GULP1: variants seen among roughly 807,000 people sequenced by gnomAD.
GULP1 encodes PTB domain-containing engulfment adapter protein 1.
A neutral mutation model predicts 40.9 loss-of-function variants in GULP1; 19 were observed. That is an observed-to-expected ratio of 0.46 (90% confidence interval 0.32 to 0.68). GULP1 has a LOEUF of 0.68. Ranked by LOEUF, GULP1 falls within the 30% of genes least tolerant of loss-of-function variation. The pLI, the probability that GULP1 is intolerant of heterozygous loss-of-function variation, is 0.03. For synonymous variants in GULP1, 119 were observed against 117.6 expected (o/e 1.01, Z -0.08); for missense variants, 312 against 362.2 (o/e 0.86, Z 1.12).
chr2:188,458,375 A>G (rs538529302), intron 2 of GULP1, among the ~76,000 whole-genome samples: 1 of 151,876 alleles, frequency 6.6e-6, no homozygotes, highest in Non-Finnish European at 1.5e-5. Context: ...CTCACCCTCC[A>G]TTTCCTACCT....
At chr2:188,508,914 G>A (rs2064208657) in intron 4 of GULP1, among the ~76,000 whole-genome samples, 1 of 151,824 alleles carries the variant, frequency 6.6e-6, no homozygotes, top group South Asian at 2.1e-4. Context: ...CCACTTGTAA[G>A]TACAGGGGAC....
At chr2:188,329,167 A>G (rs1285618268) in intron 1 of GULP1, among the ~76,000 whole-genome samples, 4 of 148,664 alleles carry the variant, frequency 2.7e-5, no homozygotes, top group Non-Finnish European at 4.5e-5. Flanking sequence ...AGTTTCTGTT[A>G]TCTTCTCTTC....
At chr2:188,342,279 G>C (rs965415517) in intron 1 of GULP1, among the ~76,000 whole-genome samples, 1 of 152,118 alleles carries the variant, frequency 6.6e-6, no homozygotes, top group Non-Finnish European at 1.5e-5. Context: ...TCTGTTTCAC[G>C]AGTCTCTCCT....
At chr2:188,485,107 A>G (rs906943084) in intron 4 of GULP1, among the ~76,000 whole-genome samples, 41 of 152,244 alleles carry the variant, frequency 2.7e-4, no homozygotes, top group African/African-American at 9.4e-4. Context: ...TATATTATCA[A>G]TCATAGTGGA....
intron 11 of GULP1, 168 bp downstream of exon 11, chr2:188,588,117 C>G (rs1702784354): frequency 1.6e-6 from 1 of 641,106 alleles, no homozygotes; most frequent in Non-Finnish European, 2.9e-6. Context: ...TAAAAATACT[C>G]CTACATATGC....
chr2:188,495,464 G>C lies in GULP1; in HGVS notation c.90+11972G>C, dbSNP rs557576218. Among the ~76,000 whole-genome samples the C allele has an allele frequency of 3.9e-5, 6 of 152,138 alleles. No homozygotes were observed. In the South Asian group the frequency reaches 1.0e-3, roughly 26 times the overall value. ...GAAGTGGATAGAAAATTAGTCCCAT[G>C]TTCTTCAAAATATAACAACAAACTC... On this transcript the variant is annotated intron_variant, in intron 4 of 11. Coordinates refer to ENST00000409830, the MANE Select transcript of GULP1 (RefSeq NM_016315.4).
At chr2:188,378,523 G>C (rs2048593384) in intron 1 of GULP1, among the ~76,000 whole-genome samples, 1 of 152,174 alleles carries the variant, frequency 6.6e-6, no homozygotes, top group African/African-American at 2.4e-5. Context: ...TCATGGTTCT[G>C]CAAGCTATAT....
intron 10 of GULP1, among the ~76,000 whole-genome samples, chr2:188,586,824 TTTA>T (rs1441032391): frequency 6.6e-6 from 1 of 152,042 alleles, no homozygotes; most frequent in Non-Finnish European, 1.5e-5. Flanking sequence ...ACAGAGTGAT[TTTA>T]GAGGATATGG....
intron 4 of GULP1, among the ~76,000 whole-genome samples, chr2:188,499,761 G>A (rs1394997512): frequency 3.3e-5 from 5 of 151,616 alleles, no homozygotes; most frequent in Admixed American, 6.6e-5. Flanking sequence ...AAGAGTAGAG[G>A]AATATATAGT....
intron 2 of GULP1, among the ~76,000 whole-genome samples, chr2:188,389,387 C>A (rs1194892326): frequency 6.6e-6 from 1 of 151,972 alleles, no homozygotes; most frequent in Non-Finnish European, 1.5e-5. Context: ...GAGTAATTTA[C>A]ACCAAACAAA....
intron 10 of GULP1, among the ~76,000 whole-genome samples, chr2:188,587,399 T>C (rs952677288): frequency 6.6e-6 from 1 of 152,114 alleles, no homozygotes; most frequent in African/African-American, 2.4e-5. Context: ...TAAGAGTACA[T>C]GAACTTTGAG....
chr2:188,415,780 A>C (rs1305315067), intron 2 of GULP1, among the ~76,000 whole-genome samples: 1 of 152,182 alleles, frequency 6.6e-6, no homozygotes, highest in African/African-American at 2.4e-5. Context: ...CCTGAAACTG[A>C]GTGTTAGAGT....
Position 188,584,303 on chromosome 2 carries a change from C to T in GULP1, c.648C>T (p.Ile216=). ...SMTPKSPSTD[I]FDMIPFSPIS... Reference sequence around the variant, plus strand: ...CACCTAAGTCGCCCTCCACTGACATCTTTGATATGATTCCATTTTCTCCAA... The same window carrying T: ...CACCTAAGTCGCCCTCCACTGACATTTTTGATATGATTCCATTTTCTCCAA... The change falls in exon 10 of 12, where the codon ATC becomes ATT. Residue 216 remains isoleucine, a synonymous_variant. Coordinates refer to ENST00000409830, the MANE Select transcript of GULP1 (RefSeq NM_016315.4). 6.2e-7 allele frequency: 1 copy of T among 1,609,026 alleles called. No individual in the cohort carries two copies. The highest frequency in any genetic ancestry group is 1.7e-5 in the Admixed American group (1 of 60,002).
intron 1 of GULP1, among the ~76,000 whole-genome samples, chr2:188,359,604 T>A (rs776816906): frequency 6.6e-6 from 1 of 152,116 alleles, no homozygotes; most frequent in Non-Finnish European, 1.5e-5. Context: ...TTGCCTCAGT[T>A]TATTGTTTTG....
rs1289163438 is a variant in GULP1, at chr2:188,422,546, A to G, written c.-45+38657A>G. On this transcript the variant is annotated intron_variant, in intron 2 of 11. Transcript: ENST00000409830. ...TAGCGAACATGTAATTTAATAATGA[A>G]AACTTAAGATTTGCTTTTCATTTTA... Among the ~76,000 whole-genome samples the G allele has an allele frequency of 2.0e-5, 3 of 151,966 alleles. No homozygotes were observed. In the South Asian group the frequency reaches 6.2e-4, roughly 31 times the overall value.
In GULP1 at chr2:188,428,419, C is replaced by T. The variant is rs534678591; in HGVS notation, c.-45+44530C>T. Among the ~76,000 whole-genome samples the T allele has an allele frequency of 2.0e-5, 3 of 152,216 alleles. No individual in the cohort carries two copies. In the East Asian group the frequency reaches 5.8e-4, roughly 29 times the overall value. On this transcript the variant is annotated intron_variant, in intron 2 of 11. Coordinates refer to ENST00000409830, the MANE Select transcript of GULP1 (RefSeq NM_016315.4). ...GATATGGTTGAGATCTATGTCCCTG[C>T]TCAAATCTCATAATGAATTATAATC... is the stretch of plus-strand genomic sequence containing the variant.
chr2:188,361,639 C>T (rs2152377480), intron 1 of GULP1, among the ~76,000 whole-genome samples: 1 of 152,106 alleles, frequency 6.6e-6, no homozygotes, highest in South Asian at 2.1e-4. Context: ...GTGTTCACAC[C>T]TAAACCAAAT....
chr2:188,338,158 AATATATCATTG>A (rs1356561551), intron 1 of GULP1, among the ~76,000 whole-genome samples: 1 of 152,138 alleles, frequency 6.6e-6, no homozygotes, highest in Non-Finnish European at 1.5e-5. Flanking sequence ...TAGGCTCCTC[AATATATCATTG>A]ATATATCATT....
intron 1 of GULP1, among the ~76,000 whole-genome samples, chr2:188,339,863 TA>T (rs1172606121): frequency 9.2e-5 from 14 of 152,202 alleles, no homozygotes; most frequent in Admixed American, 5.9e-4. Flanking sequence ...TCCTTATTTG[TA>T]AAATAGGAAT....
Sources: gnomAD v4.1 joint callset for allele counts (sites outside exome capture counted in the v4.1 genomes callset) on GRCh38, gnomAD v4.1.1 for gene constraint, MANE v1.5 for transcripts, NCBI Gene and HGNC (gene_info 2026-07-23, HGNC 2026-07-21) for gene names.